KRABD3: variants seen among roughly 807,000 people sequenced by gnomAD.
KRABD3 encodes KRAB domain containing 3.
chr7:149,722,402 C>T, the KRABD3 span: 5 of 1,593,672 alleles, frequency 3.1e-6, no homozygotes, highest in South Asian at 2.3e-5. Context: ...GAAAGGCCCT[C>T]TTGTCTTCTC....
the KRABD3 span, among the ~76,000 whole-genome samples, chr7:149,731,480 A>C: frequency 6.6e-6 from 1 of 152,212 alleles, no homozygotes; most frequent in Non-Finnish European, 1.5e-5. Flanking sequence ...CAGGGCAGGA[A>C]CACCACACAC....
At chr7:149,728,691 G>A in the KRABD3 span, 34 of 1,611,518 alleles carry the variant, frequency 2.1e-5, 1 homozygote, top group East Asian at 4.0e-4. Flanking sequence ...AGTGGCTGCC[G>A]GGGCCCTGGG....
the KRABD3 span, chr7:149,720,802 G>C: frequency 6.4e-7 from 1 of 1,553,054 alleles, no homozygotes; most frequent in African/African-American, 1.4e-5. Flanking sequence ...GCAGCCGCAG[G>C]GGTGCGGGGG....
chr7:149,734,385 A>C, the KRABD3 span: 2 of 273,678 alleles, frequency 7.3e-6, no homozygotes, highest in Non-Finnish European at 1.4e-5. Flanking sequence ...GGTGCCCCAC[A>C]CAGCTAGAGC....
chr7:149,733,430 C>T, the KRABD3 span: 2 of 1,593,778 alleles, frequency 1.3e-6, no homozygotes, highest in South Asian at 1.1e-5. Flanking sequence ...AGGCCTGGCT[C>T]AGGAAGTGGC....
At chr7:149,732,766 C>T in the KRABD3 span, among the ~76,000 whole-genome samples, 2 of 152,190 alleles carry the variant, frequency 1.3e-5, no homozygotes, top group South Asian at 4.1e-4. This position sits in a 1 kb window ranked among gnomAD's most constrained non-coding sequence, Gnocchi z 4.0. Flanking sequence ...ACAAAAAATG[C>T]GCAGAAGGCC....
chr7:149,727,515 C>G, the KRABD3 span, among the ~76,000 whole-genome samples: 1 of 152,248 alleles, frequency 6.6e-6, no homozygotes, highest in African/African-American at 2.4e-5. Flanking sequence ...CTCCCCTCCT[C>G]CTCCTCACAC....
chr7:149,730,667 C>T, the KRABD3 span: 19 of 1,407,392 alleles, frequency 1.4e-5, no homozygotes, highest in Non-Finnish European at 1.8e-5. Flanking sequence ...TTGCCTGGCT[C>T]TTGCCAGGGA....
the KRABD3 span, chr7:149,726,003 G>C: frequency 6.2e-7 from 1 of 1,612,762 alleles, no homozygotes; most frequent in Non-Finnish European, 8.5e-7. Context: ...CAGCAGCACC[G>C]ACTGGGACCT....
the KRABD3 span, among the ~76,000 whole-genome samples, chr7:149,732,311 T>C: frequency 6.6e-6 from 1 of 152,170 alleles, no homozygotes; most frequent in Non-Finnish European, 1.5e-5. The surrounding 1 kb of genome is among the most constrained non-coding windows in gnomAD (Gnocchi z 4.0). Context: ...CTGTCCTCTG[T>C]AGAAGTCCTA....
the KRABD3 span, among the ~76,000 whole-genome samples, chr7:149,720,575 G>T: frequency 6.6e-6 from 1 of 152,340 alleles, no homozygotes; most frequent in South Asian, 2.1e-4. Context: ...CATTCCCCTG[G>T]GAGGCATGGA....
At chr7:149,718,756 C>T in the KRABD3 span, among the ~76,000 whole-genome samples, 1 of 152,140 alleles carries the variant, frequency 6.6e-6, no homozygotes. Flanking sequence ...CTCAGGTGAT[C>T]TGTCTGCCTT....
the KRABD3 span, chr7:149,731,634 C>T: frequency 1.0e-4 from 151 of 1,493,512 alleles, 1 homozygote; most frequent in East Asian, 2.5e-3. Context: ...GCCAAACGAT[C>T]GTCTCCCTGC....
At chr7:149,723,731 T>TC in the KRABD3 span, 8 of 1,608,794 alleles carry the variant, frequency 5.0e-6, no homozygotes, top group Non-Finnish European at 6.8e-6. Flanking sequence ...CCTTTTTCCT[T>TC]AGTGAAGACC....
At chr7:149,733,472 A>G in the KRABD3 span, 7 of 1,578,158 alleles carry the variant, frequency 4.4e-6, no homozygotes, top group South Asian at 2.3e-5. Context: ...TCGGCTGGGG[A>G]GGCGCCCCCA....
the KRABD3 span, chr7:149,730,386 C>T: frequency 1.2e-5 from 19 of 1,558,156 alleles, no homozygotes; most frequent in Middle Eastern, 1.7e-4. Context: ...TGTGCCAGGG[C>T]GCCAGTCACC....
At chr7:149,733,057 C>T in the KRABD3 span, 13 of 888,144 alleles carry the variant, frequency 1.5e-5, no homozygotes, top group South Asian at 5.1e-5. Context: ...TTGGCATCTG[C>T]GTTCTCAGGC....
the KRABD3 span, chr7:149,726,002 C>T: frequency 2.4e-5 from 38 of 1,612,532 alleles, no homozygotes; most frequent in Admixed American, 3.3e-5. Context: ...CCAGCAGCAC[C>T]GACTGGGACC....
chr7:149,729,481 T>A, the KRABD3 span: 1 of 1,275,816 alleles, frequency 7.8e-7, no homozygotes, highest in Non-Finnish European at 1.0e-6. Flanking sequence ...TCTCATCCTT[T>A]CCCCAGAGGA....
Sources: gnomAD v4.1 joint callset for allele counts (sites outside exome capture counted in the v4.1 genomes callset) on GRCh38, gnomAD v4.1.1 for gene constraint, Gnocchi (gnomAD v3.1) non-coding constraint, MANE v1.5 for transcripts, NCBI Gene and HGNC (gene_info 2026-07-23, HGNC 2026-07-21) for gene names.